Variants in ARFGEF3 observed in about 807,000 individuals in gnomAD.
ARFGEF3 encodes ARFGEF family member 3.
In ARFGEF3, 96 loss-of-function variants were observed where a neutral mutation model predicts 221.7. That is an observed-to-expected ratio of 0.43 (90% CI 0.37 to 0.51). The LOEUF (loss-of-function observed/expected upper bound fraction) is 0.51, where lower values mean the gene tolerates loss of function less well. Among genes scored for constraint, ARFGEF3 ranks in the 20% least tolerant of loss-of-function variants. ARFGEF3 has a pLI of 0.00. For synonymous variants in ARFGEF3, 1,145 were observed against 1,126.8 expected (o/e 1.02, Z -0.32); for missense variants, 2,410 against 2,789.9 (o/e 0.86, Z 3.07).
At chr6:138,206,962 G>T in intron 2 of ARFGEF3, 80 bp from the exon 3 acceptor site, 1 of 1,015,016 alleles carries the variant, frequency 9.9e-7, no homozygotes, top group Non-Finnish European at 1.5e-6. Flanking sequence ...GCATTTGGGG[G>T]TGGGTGTACA....
intron 5 of ARFGEF3, among the ~76,000 whole-genome samples, chr6:138,237,962 G>A (rs927003326): frequency 1.3e-5 from 2 of 152,224 alleles, no homozygotes; most frequent in African/African-American, 2.4e-5. Context: ...CAATTCAGAT[G>A]TAGTGTAGGA....
Position 138,168,422 on chromosome 6 carries a change from G to T in ARFGEF3, c.86-2240G>T, listed in dbSNP as rs558736260. On this transcript the variant is annotated intron_variant, in intron 1 of 33. Transcript: ENST00000251691. ...GCCAGGGGGCTGGAGCGACGGGAGA[G>T]AAGTAGGAAGTGAGGACCAGATCAT... is the stretch of plus-strand genomic sequence containing the variant. Among the ~76,000 whole-genome samples, 8 of 152,332 alleles carry T rather than the reference G, an allele frequency of 5.3e-5. No homozygotes were observed. The East Asian group carries it at 1.3e-3, about 26-fold the overall frequency.
intron 4 of ARFGEF3, among the ~76,000 whole-genome samples, chr6:138,219,992 T>G (rs1460498700): frequency 6.6e-6 from 1 of 152,156 alleles, no homozygotes; most frequent in East Asian, 1.9e-4. Context: ...ATTTTTTTTC[T>G]TTTATCTTCT....
chr6:138,249,101 T>A (rs192962840), intron 8 of ARFGEF3, among the ~76,000 whole-genome samples: 1 of 152,326 alleles, frequency 6.6e-6, no homozygotes, highest in Admixed American at 6.5e-5. Flanking sequence ...TTTGTTTGCT[T>A]TTAGAATAGT....
intron 26 of ARFGEF3, among the ~76,000 whole-genome samples, chr6:138,315,748 G>A (rs1779913350): frequency 1.3e-5 from 2 of 152,230 alleles, no homozygotes; most frequent in Admixed American, 6.5e-5. Flanking sequence ...CTACTTGGGA[G>A]GCTGAAGCAG....
intron 2 of ARFGEF3, among the ~76,000 whole-genome samples, chr6:138,187,925 C>G (rs1777219107): frequency 6.6e-6 from 1 of 152,054 alleles, no homozygotes; most frequent in South Asian, 2.1e-4. Flanking sequence ...CCCAATTATA[C>G]TAGGATAGGA....
In ARFGEF3 at chr6:138,280,043, C is replaced by G. The variant is rs1562377773; in HGVS notation, c.2340C>G (p.Val780=). 1.2e-6 allele frequency: 2 copies of G among 1,613,880 alleles called. No homozygotes were observed. Among genetic ancestry groups the G allele is most frequent in the Non-Finnish European group, 1.7e-6 (2 of 1,179,830 alleles). The change falls in exon 14 of 34, where the codon GTC becomes GTG. Residue 780 remains valine (V), a synonymous_variant. Coordinates refer to ENST00000251691, the MANE Select transcript of ARFGEF3 (RefSeq NM_020340.5). ...KQVQTSGVLM[V]FSQAWIEELY... The stretch of plus-strand genomic sequence containing the variant: ...TGCAGACCAGCGGCGTGCTGATGGT[C>G]TTCTCTCAGGCCTGGATTGAGGAGC...
intron 12 of ARFGEF3, 105 bp from the exon 13 acceptor site, chr6:138,278,346 C>T: frequency 2.0e-6 from 2 of 995,558 alleles, no homozygotes; most frequent in Non-Finnish European, 3.0e-6. Context: ...ACAGAAATAT[C>T]CTATTGATGC....
At chr6:138,225,501 A>C (rs1340887022) in intron 4 of ARFGEF3, among the ~76,000 whole-genome samples, 1 of 152,330 alleles carries the variant, frequency 6.6e-6, no homozygotes, top group East Asian at 1.9e-4. Flanking sequence ...TCACAATTGC[A>C]AAAGCACTTA....
Position 138,263,614 on chromosome 6 carries a change from T to A in ARFGEF3, c.2128+3T>A. The stretch of plus-strand genomic sequence containing the variant: ...CTTTGCCTCTACTTTCTGCTCAGGT[T>A]TGTAAACAATTCTCTGCTGTATAGT... On this transcript the variant is annotated splice_donor_region_variant and intron_variant, in intron 12 of 33. Coordinates refer to ENST00000251691, the MANE Select transcript of ARFGEF3 (RefSeq NM_020340.5). 2 of 1,590,066 alleles carry A rather than the reference T, an allele frequency of 1.3e-6. No individual in the cohort carries two copies. Among genetic ancestry groups the A allele is most frequent in the Non-Finnish European group, 1.7e-6 (2 of 1,169,388 alleles).
At chr6:138,309,271 A>T (rs188883237) in intron 24 of ARFGEF3, among the ~76,000 whole-genome samples, 1 of 152,098 alleles carries the variant, frequency 6.6e-6, no homozygotes, top group African/African-American at 2.4e-5. Flanking sequence ...CTTTCATTTC[A>T]CCCTACATAA....
At position 138,261,427 on chromosome 6, in the gene ARFGEF3, C is replaced by T. The variant is rs962408496; in HGVS notation, c.1105-100C>T. ...CTGTTTCTCCTTATACTATATCACT[C>T]AGTAGGGAAAGTACATGTTTTTTTG... On this transcript the variant is annotated intron_variant, in intron 10 of 33. Transcript: ENST00000251691. The T allele has an allele frequency of 2.6e-4, 168 of 650,404 alleles. 2 individuals are homozygous for T. In the East Asian group the frequency reaches 4.5e-3, roughly 18 times the overall value. The allele number at this position is 650,404 out of a possible 1,614,324, so 40.3% of individuals were successfully genotyped here.
chr6:138,176,694 A>T (rs1582995898), intron 2 of ARFGEF3, among the ~76,000 whole-genome samples: 1 of 150,942 alleles, frequency 6.6e-6, no homozygotes, highest in Non-Finnish European at 1.5e-5. Context: ...TAATCCTTTG[A>T]TTGCTTTATA....
chr6:138,294,610 C>G (rs1381515464), intron 20 of ARFGEF3, among the ~76,000 whole-genome samples: 2 of 152,174 alleles, frequency 1.3e-5, no homozygotes, highest in Non-Finnish European at 2.9e-5. Flanking sequence ...GAGGCATATC[C>G]CATTAATGAT....
intron 2 of ARFGEF3, among the ~76,000 whole-genome samples, chr6:138,174,618 A>G (rs1396622515): frequency 2.0e-5 from 3 of 151,608 alleles, no homozygotes; most frequent in African/African-American, 7.3e-5. Context: ...TTTATAAACT[A>G]TCTCTTGCAT....
At chr6:138,189,863 T>C (rs1466427976) in intron 2 of ARFGEF3, among the ~76,000 whole-genome samples, 1 of 152,086 alleles carries the variant, frequency 6.6e-6, no homozygotes. Flanking sequence ...GAGGATCGCT[T>C]GAGCCCAGGG....
intron 1 of ARFGEF3, among the ~76,000 whole-genome samples, chr6:138,164,268 T>C (rs1192005852): frequency 1.3e-5 from 2 of 152,200 alleles, no homozygotes; most frequent in Non-Finnish European, 2.9e-5. Context: ...CTCAGAATGC[T>C]CTTCAGAATC....
chr6:138,319,104 A>G (rs1045913870), intron 27 of ARFGEF3, among the ~76,000 whole-genome samples: 4 of 149,628 alleles, frequency 2.7e-5, no homozygotes, highest in African/African-American at 7.4e-5. Flanking sequence ...CCAGCACTCC[A>G]CAATGCCCAG....
Position 138,344,266 on chromosome 6 carries a change from T to G in ARFGEF3, c.*7780T>G, listed in dbSNP as rs1780478525. 6.6e-6 allele frequency: 1 copy of G among 152,208 alleles called. No individual in the cohort carries two copies. The highest frequency in any genetic ancestry group is 6.5e-5 in the Admixed American group (1 of 15,286). The allele number at this position is 152,208 out of a possible 1,614,324, so 9.4% of individuals were successfully genotyped here. On this transcript the variant is annotated 3_prime_UTR_variant, in exon 34 of 34. Coordinates refer to ENST00000251691, the MANE Select transcript of ARFGEF3 (RefSeq NM_020340.5). ...TCAGTATACCATTTTACCTATAAAA[T>G]GCAAAATTCATCCTTGCAACCCCAT...
Sources: allele counts gnomAD v4.1 joint callset (sites outside exome capture counted in the v4.1 genomes callset), GRCh38; gene constraint gnomAD v4.1.1; transcripts MANE v1.5; gene names NCBI Gene and HGNC (gene_info 2026-07-23, HGNC 2026-07-21).